Variants in SPATA13 observed in about 807,000 individuals in gnomAD.
The protein encoded by SPATA13 is spermatogenesis associated 13, also known as spermatogenesis-associated protein 13.
A neutral mutation model predicts 104.0 loss-of-function variants in SPATA13; 50 were observed. That is an observed-to-expected ratio of 0.48 (90% confidence interval 0.38 to 0.61). The LOEUF is 0.61. SPATA13 is among the 20% of genes least tolerant of loss of function. The pLI is 0.00. For missense variants in SPATA13, 1,524 were observed against 1,690.6 expected (o/e 0.90, Z 1.73); for synonymous variants, 606 against 667.5 (o/e 0.91, Z 1.42).
At chr13:24,202,807 A>T (rs1018374223) in intron 1 of SPATA13, among the ~76,000 whole-genome samples, 1 of 152,084 alleles carries the variant, frequency 6.6e-6, no homozygotes, top group Non-Finnish European at 1.5e-5. Flanking sequence ...AGGAGCCTGG[A>T]ATTACGTTAT....
intron 3 of SPATA13, among the ~76,000 whole-genome samples, chr13:24,073,127 A>C (rs568469881): frequency 6.6e-6 from 1 of 152,098 alleles, no homozygotes; most frequent in Non-Finnish European, 1.5e-5. Flanking sequence ...GGATAACGTC[A>C]TGATCATTAG....
At chr13:23,983,109 T>A (rs4769298) in intron 1 of SPATA13, among the ~76,000 whole-genome samples, 113,250 of 152,012 alleles carry the variant, frequency 0.75, 42,679 homozygotes, top group Non-Finnish European at 0.8. Context: ...GAGTGAGGGG[T>A]TGGGAGAGAG....
At chr13:24,212,554 A>C (rs1871084682) in intron 1 of SPATA13, among the ~76,000 whole-genome samples, 1 of 152,148 alleles carries the variant, frequency 6.6e-6, no homozygotes, top group African/African-American at 2.4e-5. Flanking sequence ...GGACTTAGAG[A>C]GTTGATTCCA....
chr13:24,138,200 G>T (rs904863788), intron 3 of SPATA13, among the ~76,000 whole-genome samples: 4 of 151,690 alleles, frequency 2.6e-5, no homozygotes, highest in Admixed American at 2.6e-4. Flanking sequence ...CCAGCTACTC[G>T]GGAGGCTGAG....
chr13:24,139,278 C>A (rs1350355819), intron 3 of SPATA13, among the ~76,000 whole-genome samples: 2 of 152,190 alleles, frequency 1.3e-5, no homozygotes, highest in African/African-American at 4.8e-5. Context: ...TCCAGTATGA[C>A]CCCTCTTAAC....
chr13:24,293,450 G>C (rs923076895), intron 9 of SPATA13, among the ~76,000 whole-genome samples: 6 of 152,142 alleles, frequency 3.9e-5, no homozygotes, highest in Non-Finnish European at 8.8e-5. Context: ...GGAAAGCTGG[G>C]TCCAGAAGTC....
intron 3 of SPATA13, among the ~76,000 whole-genome samples, chr13:24,110,087 T>C (rs1264514192): frequency 3.3e-5 from 5 of 151,122 alleles, no homozygotes; most frequent in African/African-American, 1.2e-4. Context: ...TGGCTGACTT[T>C]ATTGTTAACT....
intron 1 of SPATA13, among the ~76,000 whole-genome samples, chr13:24,221,894 C>T (rs1051492301): frequency 2.6e-4 from 39 of 148,022 alleles, no homozygotes; most frequent in African/African-American, 9.8e-4. Context: ...CTCACTGCAA[C>T]TTCTGTCTCC....
At chr13:24,029,131 C>A (rs1036016729) in intron 3 of SPATA13, among the ~76,000 whole-genome samples, 1 of 152,028 alleles carries the variant, frequency 6.6e-6, no homozygotes, top group African/African-American at 2.4e-5. Context: ...ACTGTGTTGT[C>A]CAAGCTGAAC....
chr13:24,297,341 A>G (rs1300348010), intron 10 of SPATA13, 22 bp from the exon 11 acceptor site: 6 of 1,591,864 alleles, frequency 3.8e-6, no homozygotes, highest in Non-Finnish European at 4.3e-6. Flanking sequence ...GAAGGTCTTA[A>G]GATGTGTTTT....
intron 3 of SPATA13, among the ~76,000 whole-genome samples, chr13:24,082,215 G>T (rs565402102): frequency 6.6e-6 from 1 of 152,188 alleles, no homozygotes. Flanking sequence ...CAACAGGGGA[G>T]GACGCTGAGG....
intron 2 of SPATA13, among the ~76,000 whole-genome samples, chr13:24,243,036 A>G (rs1194390319): frequency 6.6e-6 from 1 of 152,246 alleles, no homozygotes; most frequent in Non-Finnish European, 1.5e-5. Flanking sequence ...GAATTGAAGC[A>G]CAAGACTGAT....
At chr13:24,119,157 T>A (rs1040298047) in intron 3 of SPATA13, among the ~76,000 whole-genome samples, 3 of 152,094 alleles carry the variant, frequency 2.0e-5, no homozygotes, top group Non-Finnish European at 4.4e-5. Flanking sequence ...TCTGCCCGCC[T>A]CGGCCTCCCA....
intron 3 of SPATA13, among the ~76,000 whole-genome samples, chr13:24,057,312 G>A (rs967834963): frequency 1.3e-5 from 2 of 151,608 alleles, no homozygotes. Context: ...TCGGCCTGTG[G>A]CGCTTTGCAC....
At chr13:24,029,215 C>T (rs571368638) in intron 3 of SPATA13, among the ~76,000 whole-genome samples, 1 of 152,350 alleles carries the variant, frequency 6.6e-6, no homozygotes, top group South Asian at 2.1e-4. Flanking sequence ...TGTGCCAACA[C>T]AGCCGGCCTC....
At chr13:24,128,385 C>G (rs956830444) in intron 3 of SPATA13, among the ~76,000 whole-genome samples, 7 of 152,182 alleles carry the variant, frequency 4.6e-5, no homozygotes, top group Non-Finnish European at 8.8e-5. Context: ...CTAATGCATC[C>G]ACTTTAATTT....
At position 24,123,092 on chromosome 13, in the gene SPATA13, A is replaced by T. The variant is rs143766689; in HGVS notation, c.-111-99727A>T. 2.4e-4 allele frequency: 239 copies of T among 983,648 alleles called. 1 individual carries two copies. In the African/African-American group the frequency reaches 3.5e-3, roughly 14 times the overall value. 60.9% of individuals were successfully genotyped at this position (983,648 alleles called of 1,614,324 possible). On this transcript the variant is annotated intron_variant, in intron 3 of 14. Coordinates refer to the SPATA13 transcript ENST00000424834. Reference sequence around the variant, plus strand: ...CTGCAATAGGAGTAAATTCTTCACTATATTCACAGATCATTTTCTGAATTG... The same window carrying T: ...CTGCAATAGGAGTAAATTCTTCACTTTATTCACAGATCATTTTCTGAATTG...
intron 3 of SPATA13, among the ~76,000 whole-genome samples, chr13:24,026,802 CTCCTGACCTCGTGATCCGCCCTTGTGA>C (rs1298154890): frequency 7.4e-6 from 1 of 135,968 alleles, no homozygotes; most frequent in African/African-American, 2.7e-5. Flanking sequence ...TGGTCTGGAT[CTCCTGACCTCGTGATCCGCCCTTGTGA>C]TCCTGACCTT....
chr13:24,161,887 GTT>G lies in SPATA13; in HGVS notation c.-112+958_-112+959del, dbSNP rs1882512543. On this transcript the variant is annotated intron_variant, in intron 1 of 12. Coordinates refer to ENST00000382108, the MANE Select transcript of SPATA13 (RefSeq NM_001166271.3). The surrounding 1 kb of genome is among the most constrained non-coding windows in gnomAD (Gnocchi z 4.5). ...CCACCTTCGGTTTTTGCTGCCTCGT[GTT>G]TTCTTCTCTGTGAACCTTTCCTGGT... Among the ~76,000 whole-genome samples, 2 of 152,170 alleles carry G rather than the reference GTT, an allele frequency of 1.3e-5. No homozygotes were observed. The highest frequency in any genetic ancestry group is 4.8e-5 in the African/African-American group (2 of 41,444).
Sources: gnomAD v4.1 joint callset for allele counts (sites outside exome capture counted in the v4.1 genomes callset) on GRCh38, gnomAD v4.1.1 for gene constraint, Gnocchi (gnomAD v3.1) non-coding constraint, MANE v1.5 for transcripts, NCBI Gene and HGNC (gene_info 2026-07-23, HGNC 2026-07-21) for gene names.